The following LMO7 variants were observed in gnomAD, a reference collection of about 807,000 sequenced individuals.
LMO7 encodes the protein LIM domain only protein 7.
In LMO7, 120 loss-of-function variants were observed where a neutral mutation model predicts 206.5. That is an observed-to-expected ratio of 0.58 (90% CI 0.50 to 0.68). The LOEUF is 0.68. Ranked by LOEUF, LMO7 falls within the 30% of genes least tolerant of loss-of-function variation. The pLI is 0.00. For missense variants in LMO7, 1,959 were observed against 1,957.9 expected (o/e 1.00, Z -0.01); for synonymous variants, 706 against 681.5 (o/e 1.04, Z -0.56).
intron 13 of LMO7, 90 bp downstream of exon 13, chr13:75,819,625 G>A: frequency 2.4e-6 from 3 of 1,242,002 alleles, no homozygotes; most frequent in Non-Finnish European, 3.2e-6. Flanking sequence ...TGTGACATAG[G>A]TGTCCACCAA....
intron 3 of LMO7, among the ~76,000 whole-genome samples, chr13:75,730,239 C>CCA (rs1445671836): frequency 2.6e-5 from 4 of 152,152 alleles, no homozygotes; most frequent in Non-Finnish European, 4.4e-5. Context: ...TAGTATTTGG[C>CCA]TGTGAATCCA....
chr13:75,664,512 T>C (rs2038923507), intron 1 of LMO7, among the ~76,000 whole-genome samples: 1 of 152,168 alleles, frequency 6.6e-6, no homozygotes, highest in South Asian at 2.1e-4. Flanking sequence ...CTTTTCGATA[T>C]CCTGATTTCC....
intron 3 of LMO7, among the ~76,000 whole-genome samples, chr13:75,738,913 A>G (rs2046188573): frequency 6.6e-6 from 1 of 152,348 alleles, no homozygotes; most frequent in Non-Finnish European, 1.5e-5. Context: ...CATTTAGCTA[A>G]AGCAAGGTTT....
intron 3 of LMO7, among the ~76,000 whole-genome samples, chr13:75,733,758 C>T (rs951678633): frequency 1.5e-4 from 23 of 152,194 alleles, no homozygotes; most frequent in African/African-American, 4.3e-4. Flanking sequence ...TGTTCCTATT[C>T]GGCCATCTTG....
At chr13:75,707,068 G>GT (rs1379197439) in intron 1 of LMO7, among the ~76,000 whole-genome samples, 1 of 151,698 alleles carries the variant, frequency 6.6e-6, no homozygotes, top group Non-Finnish European at 1.5e-5. Context: ...GTTCCTTTAG[G>GT]TATGGGAGAT....
intron 3 of LMO7, among the ~76,000 whole-genome samples, chr13:75,741,337 C>G (rs887624472): frequency 2.0e-5 from 3 of 152,114 alleles, no homozygotes; most frequent in African/African-American, 7.2e-5. Flanking sequence ...ATAGTATTAC[C>G]ATTATCAATG....
chr13:75,634,675 G>T (rs868546375), upstream of LMO7, among the ~76,000 whole-genome samples: 1 of 151,912 alleles, frequency 6.6e-6, no homozygotes, highest in South Asian at 2.1e-4. Context: ...CCCGGGAGGC[G>T]GAGCTTGCAG....
intron 1 of LMO7, among the ~76,000 whole-genome samples, chr13:75,645,447 A>T (rs895760767): frequency 3.2e-4 from 49 of 152,334 alleles, no homozygotes; most frequent in African/African-American, 1.1e-3. Flanking sequence ...CAGAAGTTTG[A>T]GGCTGCGGTG....
intron 3 of LMO7, among the ~76,000 whole-genome samples, chr13:75,750,280 A>T (rs2047168810): frequency 6.6e-6 from 1 of 152,022 alleles, no homozygotes; most frequent in Non-Finnish European, 1.5e-5. Flanking sequence ...CATACTAAAG[A>T]GAAACACTGT....
Position 75,853,407 on chromosome 13 carries a change from CTCTT to C in LMO7, c.4661+24_4661+27del. On this transcript the variant is annotated intron_variant, in intron 28 of 30. Coordinates refer to ENST00000377534, the MANE Select transcript of LMO7 (RefSeq NM_001306080.2). ...GTAACAGGTGAGGCCCTTGCTGTTT[CTCTT>C]TCTTCTCTTAGTCTTGGGTATTTTT... is the stretch of plus-strand genomic sequence containing the variant. The C allele has an allele frequency of 6.5e-7, 1 of 1,535,864 alleles. No homozygotes were observed. Among genetic ancestry groups the C allele is most frequent in the Non-Finnish European group, 8.8e-7 (1 of 1,140,104 alleles).
chr13:75,817,405 C>A lies in LMO7; in HGVS notation c.2064+127C>A, dbSNP rs183869197. The A allele has an allele frequency of 6.3e-5, 34 of 536,984 alleles. No individual in the cohort carries two copies. In the Admixed American group the frequency reaches 9.6e-4, roughly 15 times the overall value. The allele number at this position is 536,984 out of a possible 1,614,324, so 33.3% of individuals were successfully genotyped here. A position where few individuals can be genotyped will look rare whatever the true frequency, so the allele number is the denominator to read the frequency against. ...GAATTCAGTTCTGTATAAAATGTGA[C>A]CAACTTTCTTTACAAAGATTTTTAA... On this transcript the variant is annotated intron_variant, in intron 12 of 30. Transcript: ENST00000377534.
intron 1 of LMO7, among the ~76,000 whole-genome samples, chr13:75,650,586 C>T (rs2037457985): frequency 1.3e-5 from 2 of 152,176 alleles, no homozygotes; most frequent in African/African-American, 4.8e-5. Flanking sequence ...AAAAAATTTC[C>T]TGTGTATTGC....
intron 26 of LMO7, among the ~76,000 whole-genome samples, chr13:75,848,815 T>C (rs545300586): frequency 2.9e-4 from 44 of 152,304 alleles, no homozygotes; most frequent in African/African-American, 9.6e-4. Flanking sequence ...CTACTTATAG[T>C]TCTTTCAGGA....
chr13:75,723,738 A>G (rs1488432425), intron 2 of LMO7, among the ~76,000 whole-genome samples: 1 of 152,178 alleles, frequency 6.6e-6, no homozygotes, highest in Non-Finnish European at 1.5e-5. Context: ...AAGGGAGCGG[A>G]CAATTTGAAA....
chr13:75,797,315 G>A (rs2054154532), intron 6 of LMO7, among the ~76,000 whole-genome samples: 2 of 152,166 alleles, frequency 1.3e-5, no homozygotes, highest in Admixed American at 6.5e-5. Context: ...CACATTTCTA[G>A]TCATTCATAT....
At chr13:75,714,425 A>G (rs558692032) in intron 2 of LMO7, among the ~76,000 whole-genome samples, 9 of 152,314 alleles carry the variant, frequency 5.9e-5, no homozygotes, top group South Asian at 4.1e-4. Context: ...ATAACAGTCT[A>G]TCTTGTCAGC....
rs1352398232 is a variant in LMO7, at chr13:75,804,383, A to G, written c.756A>G (p.Pro252=). 1.2e-6 allele frequency: 2 copies of G among 1,614,216 alleles called. No individual in the cohort carries two copies. The highest frequency in any genetic ancestry group is 2.2e-5 in the South Asian group (2 of 91,082). The change falls in exon 8 of 31, where the codon CCA becomes CCG. Residue 252 remains proline, a synonymous_variant. Coordinates refer to ENST00000377534, the MANE Select transcript of LMO7 (RefSeq NM_001306080.2). ...MSYRRISAVE[P]KTALPFNRFL... ...ATCGAAGGATTTCGGCTGTTGAGCC[A>G]AAGACTGCGTTACCCTTCAATCGTT...
chr13:75,805,110 C>T (rs2055270754), intron 8 of LMO7: 2 of 1,030,772 alleles, frequency 1.9e-6, no homozygotes, highest in South Asian at 4.4e-5. Flanking sequence ...AATATTTTCT[C>T]CTGCTGATAT....
chr13:75,770,003 G>A (rs2049416310), intron 4 of LMO7, among the ~76,000 whole-genome samples: 1 of 151,998 alleles, frequency 6.6e-6, no homozygotes, highest in Admixed American at 6.6e-5. Context: ...CTAACCCATA[G>A]TTATTGTTTA....
Sources: gnomAD v4.1 joint callset for allele counts (sites outside exome capture counted in the v4.1 genomes callset) on GRCh38, gnomAD v4.1.1 for gene constraint, MANE v1.5 for transcripts, NCBI Gene and HGNC (gene_info 2026-07-23, HGNC 2026-07-21) for gene names.